The following MYBPC1 variants were observed in gnomAD, a reference collection of about 807,000 sequenced individuals.
MYBPC1 encodes the protein myosin binding protein C1, also known as myosin-binding protein C, slow-type.
In MYBPC1, 52 loss-of-function variants were observed where a neutral mutation model predicts 147.1. The observed-to-expected ratio is 0.35, with a 90% CI of 0.28 to 0.45. The LOEUF (loss-of-function observed/expected upper bound fraction) is 0.45. MYBPC1 is among the 20% of genes least tolerant of loss of function. The pLI is 1.00. For synonymous variants in MYBPC1, 477 were observed against 475.9 expected, an observed-to-expected ratio of 1.00 and a Z score of -0.03; for missense variants, 1,228 against 1,440.3, an observed-to-expected ratio of 0.85 and a Z score of 2.39.
rs1894385296 is a variant in MYBPC1 at position 101,651,277 on chromosome 12, T to A, written c.1410T>A (p.Asn470Lys). 6.2e-7 allele frequency: 1 copy of A among 1,613,892 alleles called. No individual in the cohort carries two copies. The highest frequency in any genetic ancestry group is 1.3e-5 in the African/African-American group (1 of 74,866). The change falls in exon 16 of 32, where the codon AAT becomes AAA. Residue 470 changes from asparagine to lysine, a missense_variant. Around this residue, in one of 2 missense-constraint regions of MYBPC1, gnomAD observed 1,077 missense variants for 1,314.2 expected, o/e 0.82. Coordinates refer to ENST00000361466, the MANE Select transcript of MYBPC1 (RefSeq NM_002465.4). ...CACCTCTGACTGATCAGACTGTAAA[T>A]CTTGGAAAAGAAATCTGCCTGAAGT... ...ILTPLTDQTV[N>K]LGKEICLKCE...
chr12:101,653,241 G>T lies in MYBPC1; in HGVS notation c.1760G>T (p.Gly587Val). 1 of 1,613,916 alleles carries T rather than the reference G, an allele frequency of 6.2e-7. No homozygotes were observed. ...EPPPKAMWSR[G>V]DKAIMEGSGR... ...CCTCCTAAAGCCATGTGGAGCCGGG[G>T]AGATAAGGTTTGTTTTATGCTTGCA... Residue 587 changes from glycine (G) to valine (V), a missense_variant, in exon 18 of 32, where the codon GGA becomes GTA. Physicochemically the swap from Gly to Val is moderately radical, Grantham distance 109. This residue lies in a region of MYBPC1 where 1,077 missense variants were observed against 1,314.2 expected (regional missense o/e 0.82). Coordinates refer to ENST00000361466, the MANE Select transcript of MYBPC1 (RefSeq NM_002465.4).
chr12:101,694,120 C>G, the MYBPC1 span, among the ~76,000 whole-genome samples: 1 of 152,168 alleles, frequency 6.6e-6, no homozygotes, highest in Non-Finnish European at 1.5e-5. Context: ...AAAAATAAAC[C>G]TCTATTCCAT....
chr12:101,682,299 G>T (rs1161962163), intron 29 of MYBPC1, among the ~76,000 whole-genome samples: 3 of 152,072 alleles, frequency 2.0e-5, no homozygotes, highest in Non-Finnish European at 4.4e-5. Context: ...AATATTTGGG[G>T]CCCTCCTTAA....
intron 12 of MYBPC1, 117 bp downstream of exon 12, chr12:101,644,913 G>A (rs1892750790): frequency 3.9e-6 from 4 of 1,027,064 alleles, no homozygotes; most frequent in African/African-American, 1.6e-5. Context: ...AAAATCATAT[G>A]GAGAGAGAGT....
intron 1 of MYBPC1, among the ~76,000 whole-genome samples, chr12:101,601,436 T>C (rs1697485): frequency 0.54 from 82,550 of 152,072 alleles, 24,221 homozygotes; most frequent in African/African-American, 0.77. Flanking sequence ...ACGTACATTT[T>C]CAGAGTAAAC....
intron 1 of MYBPC1, among the ~76,000 whole-genome samples, chr12:101,601,514 A>G (rs1441303136): frequency 6.6e-6 from 1 of 152,212 alleles, no homozygotes; most frequent in Non-Finnish European, 1.5e-5. Flanking sequence ...GAATCATTCA[A>G]TCTCACACTT....
At chr12:101,677,856 C>T (rs943737411) in intron 27 of MYBPC1, among the ~76,000 whole-genome samples, 34 of 152,310 alleles carry the variant, frequency 2.2e-4, no homozygotes, top group African/African-American at 8.2e-4. Context: ...TCAAAATACT[C>T]AGAAAGACAC....
chr12:101,690,159 G>C (rs900888967), downstream of MYBPC1, among the ~76,000 whole-genome samples: 2 of 152,046 alleles, frequency 1.3e-5, no homozygotes, highest in Admixed American at 6.6e-5. Context: ...TGAGCAGCAA[G>C]AGTGAGACTC....
Position 101,629,469 on chromosome 12 carries a change from C to G in MYBPC1, c.214C>G (p.Gln72Glu), listed in dbSNP as rs190669257. ...TLVETPPGEE[Q>E]AKQNANSQLS... ...TGTCGAAACTCCTCCTGGGGAGGAA[C>G]AAGCCAAGCAGAATGCCAACTCCCA... Residue 72 changes from glutamine to glutamate, a missense_variant, in exon 6 of 32, where the codon CAA becomes GAA. Physicochemically the swap from Gln to Glu is conservative, Grantham distance 29 (BLOSUM62 2). Coordinates refer to ENST00000361466, the MANE Select transcript of MYBPC1 (RefSeq NM_002465.4). 2.5e-6 allele frequency: 4 copies of G among 1,613,920 alleles called. No homozygotes were observed. The African/African-American group carries it at 5.3e-5, about 22-fold the overall frequency.
intron 18 of MYBPC1, 79 bp downstream of exon 18, chr12:101,653,327 T>C (rs1263225633): frequency 5.1e-5 from 79 of 1,548,510 alleles, no homozygotes; most frequent in Non-Finnish European, 6.5e-5. Context: ...TTGCCCTCCA[T>C]TATTCAGATG....
At chr12:101,676,354 G>A (rs920050469) in intron 26 of MYBPC1, among the ~76,000 whole-genome samples, 1 of 152,112 alleles carries the variant, frequency 6.6e-6, no homozygotes, top group East Asian at 1.9e-4. Context: ...CAGGAGAATT[G>A]CTTGAACTCG....
downstream of MYBPC1, among the ~76,000 whole-genome samples, chr12:101,687,025 AATTTTATTTT>A (rs987665203): frequency 6.6e-6 from 1 of 151,980 alleles, no homozygotes; most frequent in African/African-American, 2.4e-5. Flanking sequence ...TGTAAACACC[AATTTTATTTT>A]ATTTTATTTT....
In MYBPC1 at chr12:101,675,327, G is replaced by A; in HGVS notation, c.2845G>A (p.Asp949Asn). ...PGPPQIVKIE[D>N]VWGENVALTW... ...TCCACCCCAAATTGTGAAGATTGAG[G>A]ATGTCTGGGGAGAAAATGTCGCTCT... The change falls in exon 26 of 32, where the codon GAT becomes AAT. Residue 949 changes from aspartate (D) to asparagine (N), a missense_variant. Coordinates refer to ENST00000361466, the MANE Select transcript of MYBPC1 (RefSeq NM_002465.4). 1 of 1,614,064 alleles carries A rather than the reference G, an allele frequency of 6.2e-7. No individual in the cohort carries two copies. The highest frequency in any genetic ancestry group is 1.3e-5 in the African/African-American group (1 of 75,034).
At chr12:101,647,960 T>C (rs1467578223) in intron 13 of MYBPC1, 85 bp from the exon 14 acceptor site, 24 of 1,084,000 alleles carry the variant, frequency 2.2e-5, no homozygotes, top group Non-Finnish European at 3.3e-5. Context: ...TTCTCACTGT[T>C]GGTTTTTCAT....
chr12:101,667,750 C>G lies in MYBPC1; in HGVS notation c.2375C>G (p.Ala792Gly). The change falls in exon 23 of 32, where the codon GCA (alanine) becomes GGA (glycine). Residue 792 changes from alanine to glycine, a missense_variant. Physicochemically the swap from Ala to Gly is moderately conservative, Grantham distance 60. Transcript: ENST00000361466. Reference sequence around the variant, plus strand: ...ACTTCAGCTGAGGACTGGATAGTTGCAAACAAAGATCTGATTGACAAGACG... The same window carrying G: ...ACTTCAGCTGAGGACTGGATAGTTGGAAACAAAGATCTGATTGACAAGACG... ...CFEGTEDWIV[A>G]NKDLIDKTKF... 6.2e-7 allele frequency: 1 copy of G among 1,614,078 alleles called. No homozygotes were observed. Among genetic ancestry groups the G allele is most frequent in the Non-Finnish European group, 8.5e-7 (1 of 1,180,020 alleles).
At chr12:101,595,626 T>G (rs1159917652) in intron 1 of MYBPC1, among the ~76,000 whole-genome samples, 1 of 152,144 alleles carries the variant, frequency 6.6e-6, no homozygotes, top group Non-Finnish European at 1.5e-5. Flanking sequence ...TTCTTATCAG[T>G]GCCTTTGGAG....
At position 101,644,778 on chromosome 12, in the gene MYBPC1, A is replaced by G; in HGVS notation, c.947A>G (p.Glu316Gly). The G allele has an allele frequency of 6.2e-7, 1 of 1,614,024 alleles. No individual in the cohort carries two copies. The highest frequency in any genetic ancestry group is 8.5e-7 in the Non-Finnish European group (1 of 1,179,914). Residue 316 changes from glutamate to glycine, a missense_variant, in exon 12 of 32, where the codon GAA (glutamate) becomes GGA (glycine). Glu to Gly is a moderately conservative substitution (Grantham distance 98, BLOSUM62 -2). This residue lies in a region of MYBPC1 where 1,077 missense variants were observed against 1,314.2 expected (regional missense o/e 0.82). Transcript: ENST00000361466. Reference protein sequence around the residue: ...LEVKWYKNGQEIRPSTKYIFE... With the variant: ...LEVKWYKNGQGIRPSTKYIFE... ...GTGAAATGGTATAAAAATGGTCAAG[A>G]AATTCGACCCAGTACCAAGTAAGTG...
At chr12:101,639,149 A>T (rs1891545627) in intron 10 of MYBPC1, among the ~76,000 whole-genome samples, 2 of 152,276 alleles carry the variant, frequency 1.3e-5, no homozygotes, top group South Asian at 4.1e-4. Flanking sequence ...GCATCCTGTT[A>T]TAGGAATTGA....
At chr12:101,669,295 C>T (rs1444374956) in intron 23 of MYBPC1, among the ~76,000 whole-genome samples, 1 of 152,188 alleles carries the variant, frequency 6.6e-6, no homozygotes, top group Non-Finnish European at 1.5e-5. Flanking sequence ...AGAAGCTCCA[C>T]TTTTACTTGG....
Sources: allele counts gnomAD v4.1 joint callset (sites outside exome capture counted in the v4.1 genomes callset), GRCh38; gene constraint gnomAD v4.1.1; regional missense constraint gnomAD v4.1.1; transcripts MANE v1.5; gene names NCBI Gene and HGNC (gene_info 2026-07-23, HGNC 2026-07-21).